The following IL26 variants were observed in gnomAD, a reference collection of about 807,000 sequenced individuals.
IL26 encodes interleukin 26, also known as interleukin-26.
IL26 carries 23 observed loss-of-function variants against 21.7 expected under a neutral mutation model. That is an observed-to-expected ratio of 1.06 (90% confidence interval 0.76 to 1.50). The LOEUF is 1.50. Among genes scored for constraint, IL26 ranks in the 40% most tolerant of loss-of-function variants. The pLI, the probability that IL26 is intolerant of heterozygous loss-of-function variation, is 0.00. For synonymous variants in IL26, 63 were observed against 67.8 expected (o/e 0.93, Z 0.34); for missense variants, 204 against 196.0 (o/e 1.04, Z -0.24).
rs548268320 is a variant in IL26 at position 68,212,770 on chromosome 12, T to A, written c.364-10687A>T. On this transcript the variant is annotated intron_variant, in intron 3 of 4. Transcript: ENST00000229134. ...TCCTGCAAATTTACGGAATTTTTTT[T>A]ATCAGTTCTAACAGTTTAGGTAGAG... is the stretch of plus-strand genomic sequence containing the variant. Among the ~76,000 whole-genome samples the A allele has an allele frequency of 3.9e-5, 6 of 152,264 alleles. No homozygotes were observed. In the South Asian group the frequency reaches 8.3e-4, roughly 21 times the overall value.
At position 68,225,680 on chromosome 12, in the gene IL26, GA is replaced by G; in HGVS notation, c.76del (p.Ser26LeufsTer36). On this transcript the variant is annotated frameshift_variant, in exon 1 of 5. Coordinates refer to ENST00000229134, the MANE Select transcript of IL26 (RefSeq NM_018402.2). LOFTEE classifies it high-confidence loss of function. ...LSLAIAKHKQ[S>X]SFTKSCYPRG... ...TGGGTAACAACTTTTGGTGAAGGAA[GA>G]TTGCTTGTGCTTGGCAATGGCAAGA... The G allele has an allele frequency of 1.2e-6, 2 of 1,614,118 alleles. No individual in the cohort carries two copies. The highest frequency in any genetic ancestry group is 1.7e-6 in the Non-Finnish European group (2 of 1,179,982).
At chr12:68,223,991 C>T (rs1186479940) in intron 3 of IL26, among the ~76,000 whole-genome samples, 1 of 147,920 alleles carries the variant, frequency 6.8e-6, no homozygotes, top group African/African-American at 2.5e-5. Context: ...TTACGGAGCA[C>T]TTTAGTTGAC....
intron 3 of IL26, among the ~76,000 whole-genome samples, chr12:68,217,020 T>C (rs11571014): frequency 6.6e-6 from 1 of 152,146 alleles, no homozygotes; most frequent in African/African-American, 2.4e-5. Flanking sequence ...AAATGTCTTC[T>C]TACATAAACA....
intron 3 of IL26, among the ~76,000 whole-genome samples, chr12:68,216,206 G>A (rs1391426062): frequency 4.0e-5 from 6 of 151,848 alleles, no homozygotes; most frequent in South Asian, 2.1e-4. Flanking sequence ...CAGGGGAATC[G>A]CTTGAACCCA....
At position 68,224,983 on chromosome 12, in the gene IL26, C is replaced by T. The variant is rs11570983; in HGVS notation, c.363+166G>A. Among the ~76,000 whole-genome samples the T allele has an allele frequency of 4.8e-3, 734 of 152,270 alleles. 13 individuals are homozygous for T. Among genetic ancestry groups the T allele is most frequent in the African/African-American group, 0.017 (709 of 41,542 alleles). On this transcript the variant is annotated intron_variant, in intron 3 of 4. Transcript: ENST00000229134. ...AAATAGCAGCATTCTGAGTAATGTA[C>T]AGTTATTTAATGCTATTTCCCTGGT...
At chr12:68,220,699 C>T (rs1203113936) in intron 3 of IL26, among the ~76,000 whole-genome samples, 3 of 152,170 alleles carry the variant, frequency 2.0e-5, no homozygotes, top group East Asian at 1.9e-4. Flanking sequence ...TGCAGTGGTG[C>T]GGTCTTGGCT....
Position 68,223,173 on chromosome 12 carries a change from A to C in IL26, c.363+1976T>G, listed in dbSNP as rs181175228. Among the ~76,000 whole-genome samples the C allele has an allele frequency of 7.9e-5, 12 of 152,218 alleles. No individual in the cohort carries two copies. The East Asian group carries it at 2.3e-3, about 29-fold the overall frequency. On this transcript the variant is annotated intron_variant, in intron 3 of 4. Transcript: ENST00000229134. Reference sequence around the variant, plus strand: ...TATGTTTCACGGGGGAGCTTGCTTTACCCCAGGGCATAAACTGCACAGCTT... The same window carrying C: ...TATGTTTCACGGGGGAGCTTGCTTTCCCCCAGGGCATAAACTGCACAGCTT...
intron 3 of IL26, among the ~76,000 whole-genome samples, chr12:68,217,308 G>A (rs1219130164): frequency 6.6e-6 from 1 of 152,064 alleles, no homozygotes; most frequent in Non-Finnish European, 1.5e-5. Flanking sequence ...GACTTGCAAG[G>A]AAGCCCAAAA....
intron 3 of IL26, among the ~76,000 whole-genome samples, chr12:68,213,874 C>T (rs1213396503): frequency 1.3e-5 from 2 of 151,978 alleles, no homozygotes; most frequent in Admixed American, 1.3e-4. Flanking sequence ...TCTGCTCTGA[C>T]ATTTATTAGT....
intron 3 of IL26, among the ~76,000 whole-genome samples, chr12:68,210,550 GTC>G (rs1384009317): frequency 1.3e-5 from 2 of 151,984 alleles, no homozygotes; most frequent in Non-Finnish European, 2.9e-5. Flanking sequence ...TTAGCCAAGT[GTC>G]TCTCTGCGAA....
At chr12:68,217,817 A>C (rs928265875) in intron 3 of IL26, among the ~76,000 whole-genome samples, 7 of 152,180 alleles carry the variant, frequency 4.6e-5, no homozygotes, top group Non-Finnish European at 1.0e-4. Context: ...AGGAGAATAT[A>C]TTAAATGACA....
intron 3 of IL26, among the ~76,000 whole-genome samples, chr12:68,207,415 G>GC (rs1303854220): frequency 3.9e-5 from 6 of 152,276 alleles, no homozygotes; most frequent in Admixed American, 3.9e-4. Flanking sequence ...ACTTTTTACT[G>GC]CAATGGGCAA....
chr12:68,207,024 A>G (rs1207186208), intron 3 of IL26, among the ~76,000 whole-genome samples: 1 of 152,206 alleles, frequency 6.6e-6, no homozygotes, highest in Non-Finnish European at 1.5e-5. Flanking sequence ...CTTGAATCAT[A>G]TCAGGGTCTA....
intron 3 of IL26, among the ~76,000 whole-genome samples, chr12:68,207,191 A>G (rs1416927167): frequency 1.3e-5 from 2 of 152,118 alleles, no homozygotes; most frequent in African/African-American, 2.4e-5. Flanking sequence ...TTTTTTCACA[A>G]TGGTCCTTAT....
At chr12:68,207,135 C>T (rs1455502545) in intron 3 of IL26, among the ~76,000 whole-genome samples, 1 of 152,194 alleles carries the variant, frequency 6.6e-6, no homozygotes, top group African/African-American at 2.4e-5. Flanking sequence ...AAGGTTTTCA[C>T]ACCTGCTGGT....
chr12:68,223,478 T>C (rs1869121711), intron 3 of IL26, among the ~76,000 whole-genome samples: 1 of 152,202 alleles, frequency 6.6e-6, no homozygotes, highest in Admixed American at 6.5e-5. Flanking sequence ...TTGTTCGTTT[T>C]AGGTTATAAC....
chr12:68,209,060 C>T (rs1379544462), intron 3 of IL26, among the ~76,000 whole-genome samples: 1 of 152,116 alleles, frequency 6.6e-6, no homozygotes, highest in African/African-American at 2.4e-5. Flanking sequence ...CAATACAATC[C>T]TTAGTTTTTT....
At chr12:68,205,202 A>G (rs1303211792) in intron 3 of IL26, among the ~76,000 whole-genome samples, 3 of 152,138 alleles carry the variant, frequency 2.0e-5, no homozygotes, top group Non-Finnish European at 1.5e-5. Context: ...GCATACAGCA[A>G]TGCCTCTGCC....
chr12:68,220,513 T>C (rs1356325749), intron 3 of IL26, among the ~76,000 whole-genome samples: 3 of 152,240 alleles, frequency 2.0e-5, no homozygotes, highest in Non-Finnish European at 1.5e-5. Context: ...AGGAAACTTC[T>C]AAATGTAAAA....
Sources: allele counts gnomAD v4.1 joint callset (sites outside exome capture counted in the v4.1 genomes callset), GRCh38; gene constraint gnomAD v4.1.1; transcripts MANE v1.5; gene names NCBI Gene and HGNC (gene_info 2026-07-23, HGNC 2026-07-21).